DSE: variants seen among roughly 807,000 people sequenced by gnomAD.
DSE encodes the protein dermatan sulfate epimerase.
DSE carries 36 observed loss-of-function variants against 84.4 expected under a neutral mutation model. The ratio of observed to expected loss-of-function variants is 0.43; its 90% confidence interval spans 0.33 to 0.56. The LOEUF (loss-of-function observed/expected upper bound fraction) is 0.56, where lower values mean the gene tolerates loss of function less well. Ranked by LOEUF, DSE falls within the 20% of genes least tolerant of loss-of-function variation. DSE has a pLI of 0.06. For synonymous variants in DSE, 410 were observed against 430.1 expected (o/e 0.95, Z 0.58); for missense variants, 862 against 1,169.6 (o/e 0.74, Z 3.84).
chr6:116,254,611 G>C (rs190047068), intron 1 of DSE, among the ~76,000 whole-genome samples: 83 of 152,276 alleles, frequency 5.5e-4, no homozygotes, highest in African/African-American at 2.0e-3. Context: ...ACATAATAAA[G>C]GAATATTTCA....
At chr6:116,420,316 G>T (rs1463536738) in intron 2 of DSE, among the ~76,000 whole-genome samples, 1 of 152,184 alleles carries the variant, frequency 6.6e-6, no homozygotes, top group African/African-American at 2.4e-5. Context: ...GAAGTATTTA[G>T]AGAAAAGGGC....
chr6:116,393,821 T>A (rs1408722616), intron 1 of DSE, among the ~76,000 whole-genome samples: 1 of 152,254 alleles, frequency 6.6e-6, no homozygotes, highest in Admixed American at 6.5e-5. Context: ...CCCATCCTTA[T>A]ACTTTCTCTG....
intron 2 of DSE, among the ~76,000 whole-genome samples, chr6:116,424,476 A>T (rs1783303346): frequency 6.6e-6 from 1 of 152,238 alleles, no homozygotes; most frequent in Admixed American, 6.5e-5. Flanking sequence ...GGATCTCTCC[A>T]AATTCCTGAT....
At chr6:116,401,998 C>T (rs1369751787) in intron 2 of DSE, among the ~76,000 whole-genome samples, 1 of 151,492 alleles carries the variant, frequency 6.6e-6, no homozygotes, top group Non-Finnish European at 1.5e-5. Flanking sequence ...AGCATTTTTA[C>T]TCTTTTGAAA....
chr6:116,359,587 AT>A (rs1778773046), intron 2 of DSE, among the ~76,000 whole-genome samples: 1 of 152,234 alleles, frequency 6.6e-6, no homozygotes, highest in African/African-American at 2.4e-5. Flanking sequence ...CTAGGTTTAA[AT>A]TTCAGAGAAC....
intron 2 of DSE, among the ~76,000 whole-genome samples, chr6:116,414,885 T>C (rs1461701433): frequency 1.7e-5 from 1 of 58,338 alleles, no homozygotes; most frequent in Admixed American, 2.0e-4. Context: ...AGACTCTCAC[T>C]CTTGTGTAAG....
intron 1 of DSE, among the ~76,000 whole-genome samples, chr6:116,374,681 A>G (rs1012692820): frequency 1.3e-5 from 2 of 152,286 alleles, no homozygotes; most frequent in African/African-American, 2.4e-5. Context: ...TGGGGACTCT[A>G]CAGAGCTCCG....
At chr6:116,348,714 T>G (rs1335503414) in intron 2 of DSE, among the ~76,000 whole-genome samples, 1 of 152,134 alleles carries the variant, frequency 6.6e-6, no homozygotes, top group East Asian at 1.9e-4. Flanking sequence ...AGCAAAGACT[T>G]GGAACCAACC....
At chr6:116,341,306 T>C (rs1030648445) in intron 2 of DSE, among the ~76,000 whole-genome samples, 1 of 152,226 alleles carries the variant, frequency 6.6e-6, no homozygotes, top group African/African-American at 2.4e-5. Context: ...ATTCATATCC[T>C]TCACCCACTT....
intron 1 of DSE, among the ~76,000 whole-genome samples, chr6:116,383,285 C>A (rs1477815968): frequency 1.3e-5 from 2 of 151,988 alleles, no homozygotes; most frequent in Non-Finnish European, 2.9e-5. Flanking sequence ...CATAGACAAA[C>A]AGGAATTCCA....
At chr6:116,328,706 TCAA>T (rs1776772429) in intron 2 of DSE, among the ~76,000 whole-genome samples, 1 of 152,200 alleles carries the variant, frequency 6.6e-6, no homozygotes, top group Non-Finnish European at 1.5e-5. Context: ...CAGAAATAAA[TCAA>T]CAAACCACTT....
Position 116,436,187 on chromosome 6 carries a change from C to T in DSE, c.1719C>T (p.His573=). 2 of 1,613,708 alleles carry T rather than the reference C, an allele frequency of 1.2e-6. No homozygotes were observed. The highest frequency in any genetic ancestry group is 1.7e-6 in the Non-Finnish European group (2 of 1,180,010). The change falls in exon 6 of 6, where the codon CAC becomes CAT. Residue 573 remains histidine, a synonymous_variant. Coordinates refer to ENST00000644252, the MANE Select transcript of DSE (RefSeq NM_013352.4). ...PQLLLLVDQI[H]LGEESPLETA... is the part of the protein sequence containing the mutation. ...TGCTTCTCCTTGTAGACCAAATACA[C>T]CTGGGAGAGGAGAGTCCCTTGGAGA...
intron 2 of DSE, among the ~76,000 whole-genome samples, chr6:116,316,826 C>T (rs7452238): frequency 0.037 from 5,390 of 145,810 alleles, 222 homozygotes; most frequent in Admixed American, 0.094. Flanking sequence ...ACTACTACTA[C>T]TATTATTATT....
chr6:116,354,082 G>T (rs1257677318), intron 2 of DSE, among the ~76,000 whole-genome samples: 1 of 151,926 alleles, frequency 6.6e-6, no homozygotes, highest in Non-Finnish European at 1.5e-5. Context: ...GCAATACTTG[G>T]ATATAGTATT....
At chr6:116,411,352 CG>C (rs1259903647) in intron 2 of DSE, among the ~76,000 whole-genome samples, 3 of 152,314 alleles carry the variant, frequency 2.0e-5, no homozygotes, top group African/African-American at 7.2e-5. Flanking sequence ...AATGAGAAAT[CG>C]AGGTGCTGAT....
chr6:116,261,219 CTTTATTTA>C (rs149043767), intron 2 of DSE, among the ~76,000 whole-genome samples: 1 of 151,356 alleles, frequency 6.6e-6, no homozygotes, highest in Non-Finnish European at 1.5e-5. Flanking sequence ...TTCCTAGGTA[CTTTATTTA>C]TTTATTTATT....
intron 1 of DSE, among the ~76,000 whole-genome samples, chr6:116,381,541 G>T (rs1436590084): frequency 6.6e-6 from 1 of 152,088 alleles, no homozygotes; most frequent in East Asian, 1.9e-4. Flanking sequence ...CACATTCTAT[G>T]GGACCTTGGG....
chr6:116,380,895 C>G (rs1268170502), intron 1 of DSE, among the ~76,000 whole-genome samples: 7 of 152,166 alleles, frequency 4.6e-5, no homozygotes. Context: ...TCTTACCGAC[C>G]CTTTTTTAAT....
At chr6:116,422,819 A>C (rs762367557) in intron 2 of DSE, among the ~76,000 whole-genome samples, 4 of 152,202 alleles carry the variant, frequency 2.6e-5, no homozygotes, top group African/African-American at 4.8e-5. Flanking sequence ...ATCAGTGCAA[A>C]TATCAACATA....
Sources: allele counts gnomAD v4.1 joint callset (sites outside exome capture counted in the v4.1 genomes callset), GRCh38; gene constraint gnomAD v4.1.1; transcripts MANE v1.5; gene names NCBI Gene and HGNC (gene_info 2026-07-23, HGNC 2026-07-21).